ATXN8OS: variants seen among roughly 807,000 people sequenced by gnomAD.
ATXN8OS encodes the protein ATXN8 opposite strand lncRNA.
At chr13:70,115,234 CA>C (rs1262492768) in exon 2 of ATXN8OS, 1 of 398,320 alleles carries the variant, frequency 2.5e-6, no homozygotes, top group African/African-American at 2.1e-5. Flanking sequence ...GGCAGAAGGG[CA>C]AGAGAGAGAA....
At chr13:70,167,043 T>C (rs1397740975) in intron 4 of ATXN8OS, among the ~76,000 whole-genome samples, 2 of 151,800 alleles carry the variant, frequency 1.3e-5, no homozygotes, top group Non-Finnish European at 2.9e-5. Context: ...TGTGGAGAAA[T>C]AGGAACACTT....
chr13:70,144,666 G>A (rs1206337778), intron 3 of ATXN8OS, among the ~76,000 whole-genome samples: 1 of 151,960 alleles, frequency 6.6e-6, no homozygotes, highest in African/African-American at 2.4e-5. Context: ...CTCTGGCAAT[G>A]TCATTCTCAT....
chr13:70,116,231 A>G (rs147925405), intron 2 of ATXN8OS, among the ~76,000 whole-genome samples: 1 of 152,120 alleles, frequency 6.6e-6, no homozygotes, highest in Non-Finnish European at 1.5e-5. Flanking sequence ...GATAGAAACT[A>G]AAATTCAACA....
chr13:70,121,987 A>G (rs564187378), intron 2 of ATXN8OS, among the ~76,000 whole-genome samples: 3 of 152,178 alleles, frequency 2.0e-5, no homozygotes, highest in African/African-American at 4.8e-5. Context: ...TAATCTAAAG[A>G]TTTAAAAATT....
At chr13:70,171,459 G>T (rs905213807) in exon 5 of ATXN8OS, among the ~76,000 whole-genome samples, 1 of 152,094 alleles carries the variant, frequency 6.6e-6, no homozygotes, top group Non-Finnish European at 1.5e-5. Context: ...GATGGCCTAG[G>T]ATAATTGTGT....
At chr13:70,142,445 C>A (rs1311666213) in intron 3 of ATXN8OS, among the ~76,000 whole-genome samples, 1 of 152,084 alleles carries the variant, frequency 6.6e-6, no homozygotes, top group African/African-American at 2.4e-5. Flanking sequence ...AAACCTTTCC[C>A]TCAGGAAGGA....
chr13:70,122,557 G>A (rs1888374991), intron 2 of ATXN8OS, among the ~76,000 whole-genome samples: 1 of 151,976 alleles, frequency 6.6e-6, no homozygotes, highest in South Asian at 2.1e-4. Context: ...AATGTGTACG[G>A]CTGAGAAATA....
exon 4 of ATXN8OS, among the ~76,000 whole-genome samples, chr13:70,147,376 G>T (rs1268512998): frequency 6.6e-6 from 1 of 152,166 alleles, no homozygotes; most frequent in Admixed American, 6.6e-5. Context: ...GATAAAGTGC[G>T]AAGGAGCTTA....
chr13:70,108,057 G>C (rs1357440514), intron 1 of ATXN8OS: 1 of 424,850 alleles, frequency 2.4e-6, no homozygotes, highest in East Asian at 3.4e-5. Context: ...GCGAGGGAGG[G>C]AGGTCTGAGC....
chr13:70,149,311 A>G (rs555333658), intron 4 of ATXN8OS, among the ~76,000 whole-genome samples: 1 of 152,248 alleles, frequency 6.6e-6, no homozygotes, highest in East Asian at 1.9e-4. Context: ...GCTCAATTCA[A>G]AATTTGTAAA....
At chr13:70,166,822 A>G (rs1472912903) in intron 4 of ATXN8OS, among the ~76,000 whole-genome samples, 1 of 152,114 alleles carries the variant, frequency 6.6e-6, no homozygotes, top group Non-Finnish European at 1.5e-5. Flanking sequence ...CAAATTTACA[A>G]GAATAAAACA....
At chr13:70,147,438 T>A (rs1888800753) in intron 4 of ATXN8OS, among the ~76,000 whole-genome samples, 1 of 152,118 alleles carries the variant, frequency 6.6e-6, no homozygotes, top group African/African-American at 2.4e-5. Context: ...GGTGAGTCTG[T>A]CATTATATAG....
chr13:70,159,919 CCATT>C (rs1888983278), intron 4 of ATXN8OS, among the ~76,000 whole-genome samples: 2 of 152,066 alleles, frequency 1.3e-5, no homozygotes, highest in Admixed American at 6.6e-5. Context: ...GTGTGTTTGT[CCATT>C]CATCGATTGA....
intron 3 of ATXN8OS, chr13:70,139,133 G>A (rs574334855): frequency 2.5e-6 from 1 of 405,160 alleles, no homozygotes; most frequent in African/African-American, 2.0e-5. Flanking sequence ...CCTAGTTCTT[G>A]GCTCCAGACT....
chr13:70,116,973 A>G (rs1370932898), intron 2 of ATXN8OS, among the ~76,000 whole-genome samples: 2 of 152,102 alleles, frequency 1.3e-5, no homozygotes, highest in Non-Finnish European at 2.9e-5. Context: ...TTCTTCACTG[A>G]TGCAGAATGC....
At chr13:70,170,659 A>T (rs1194046874) in exon 5 of ATXN8OS, among the ~76,000 whole-genome samples, 1 of 152,204 alleles carries the variant, frequency 6.6e-6, no homozygotes, top group East Asian at 1.9e-4. Context: ...CGAATAAATA[A>T]TAAGTGTGAA....
chr13:70,127,668 A>AT (rs11325324), intron 2 of ATXN8OS, among the ~76,000 whole-genome samples: 13 of 149,686 alleles, frequency 8.7e-5, no homozygotes, highest in South Asian at 2.1e-4. Flanking sequence ...GAAAACAAAC[A>AT]TTTTTTTTTT....
intron 3 of ATXN8OS, among the ~76,000 whole-genome samples, chr13:70,135,521 G>T (rs997015952): frequency 3.9e-5 from 6 of 152,052 alleles, no homozygotes; most frequent in Non-Finnish European, 8.8e-5. Flanking sequence ...GTAATGTCCA[G>T]ATTTCTATTT....
At chr13:70,112,632 C>T (rs537991154) in intron 1 of ATXN8OS, among the ~76,000 whole-genome samples, 8 of 152,132 alleles carry the variant, frequency 5.3e-5, no homozygotes, top group African/African-American at 1.9e-4. Flanking sequence ...TTTTAATCCA[C>T]TCAACCTCCT....
Sources: allele counts gnomAD v4.1 joint callset (sites outside exome capture counted in the v4.1 genomes callset), GRCh38; gene constraint gnomAD v4.1.1; transcripts MANE v1.5; gene names NCBI Gene and HGNC (gene_info 2026-07-23, HGNC 2026-07-21).